Variants in USP42 observed in about 807,000 individuals in gnomAD.
USP42 encodes the protein ubiquitin carboxyl-terminal hydrolase 42.
Under a neutral mutation model 113.0 loss-of-function variants are expected in USP42, and 23 were observed. That is an observed-to-expected ratio of 0.20 (90% CI 0.15 to 0.29). The LOEUF (loss-of-function observed/expected upper bound fraction) is 0.29. USP42 is among the 10% of genes least tolerant of loss of function. USP42 has a pLI of 1.00. For synonymous variants in USP42, 933 were observed against 699.0 expected (o/e 1.33, Z -5.28); for missense variants, 2,174 against 1,779.8 (o/e 1.22, Z -3.99).
At chr7:6,132,354 GT>G (rs1437734448) in intron 3 of USP42, among the ~76,000 whole-genome samples, 1 of 151,920 alleles carries the variant, frequency 6.6e-6, no homozygotes, top group Non-Finnish European at 1.5e-5. Flanking sequence ...TTTTGTTTTT[GT>G]TTTGTTTCTT....
At chr7:6,121,900 A>G (rs1003128477) in intron 3 of USP42, among the ~76,000 whole-genome samples, 2 of 152,068 alleles carry the variant, frequency 1.3e-5, no homozygotes, top group Non-Finnish European at 1.5e-5. Flanking sequence ...GCTTCAAATG[A>G]TCCTCCCCGC....
intron 3 of USP42, among the ~76,000 whole-genome samples, chr7:6,127,654 C>T (rs1780611879): frequency 2.6e-5 from 4 of 152,208 alleles, no homozygotes; most frequent in Admixed American, 2.6e-4. Flanking sequence ...CCACTCTACA[C>T]AAGTCCTTGT....
chr7:6,160,056 G>A (rs371139737), intron 17 of USP42, among the ~76,000 whole-genome samples: 63 of 152,346 alleles, frequency 4.1e-4, no homozygotes, highest in African/African-American at 1.3e-3. Context: ...TTCACACAGC[G>A]GTCCTGGGAG....
intron 2 of USP42, 75 bp downstream of exon 2, chr7:6,111,449 G>T: frequency 6.5e-7 from 1 of 1,544,950 alleles, no homozygotes; most frequent in Admixed American, 1.9e-5. Context: ...TGGTTTCAGA[G>T]AGGGGCTTAT....
Position 6,159,356 on chromosome 7 carries a change from C to T in USP42, c.3944-94C>T. 1 of 1,567,236 alleles carries T rather than the reference C, an allele frequency of 6.4e-7. No homozygotes were observed. Among genetic ancestry groups the T allele is most frequent in the South Asian group, 1.1e-5 (1 of 87,884 alleles). On this transcript the variant is annotated intron_variant, in intron 16 of 17. Coordinates refer to ENST00000306177, the MANE Select transcript of USP42 (RefSeq NM_032172.3). The surrounding 1 kb of genome is among the most constrained non-coding windows in gnomAD (Gnocchi z 4.1). Reference sequence around the variant, plus strand: ...AGGCGCTCACAGGGAACCGCAGTGACTCTGACCATAGCCACTTAACGCACA... The same window carrying T: ...AGGCGCTCACAGGGAACCGCAGTGATTCTGACCATAGCCACTTAACGCACA...
intron 3 of USP42, among the ~76,000 whole-genome samples, chr7:6,131,580 G>A (rs1780853909): frequency 6.6e-6 from 1 of 152,182 alleles, no homozygotes; most frequent in Non-Finnish European, 1.5e-5. Context: ...ACACGAGGCT[G>A]CCCCTTCCTC....
intron 4 of USP42, among the ~76,000 whole-genome samples, chr7:6,137,925 C>T (rs1284935050): frequency 6.6e-6 from 1 of 152,180 alleles, no homozygotes; most frequent in Non-Finnish European, 1.5e-5. Flanking sequence ...ATGATCCACC[C>T]GCCTCTGCCT....
At chr7:6,155,850 C>G (rs1462890879) in intron 15 of USP42, among the ~76,000 whole-genome samples, 1 of 152,148 alleles carries the variant, frequency 6.6e-6, no homozygotes, top group African/African-American at 2.4e-5. Context: ...CTCCTGGGCT[C>G]AAATGATATT....
intron 3 of USP42, among the ~76,000 whole-genome samples, chr7:6,115,864 C>A (rs1292914700): frequency 6.6e-6 from 1 of 151,964 alleles, no homozygotes; most frequent in East Asian, 1.9e-4. Context: ...TTTGAGAGAC[C>A]GAGGAGAAAG....
chr7:6,100,542 C>A (rs1459917046), upstream of USP42, among the ~76,000 whole-genome samples: 8 of 150,678 alleles, frequency 5.3e-5, no homozygotes, highest in African/African-American at 2.0e-4. Flanking sequence ...GTTGGCCAGG[C>A]TTGTCTCGAA....
the USP42 span, among the ~76,000 whole-genome samples, chr7:6,087,132 A>G: frequency 6.7e-6 from 1 of 149,076 alleles, no homozygotes; most frequent in African/African-American, 2.6e-5. Flanking sequence ...CCCATGTTCA[A>G]GCGATTCTCC....
chr7:6,159,563 T>C lies in USP42; in HGVS notation c.*36+70T>C. 1 of 1,473,410 alleles carries C rather than the reference T, an allele frequency of 6.8e-7. No homozygotes were observed. Among genetic ancestry groups the C allele is most frequent in the Non-Finnish European group, 9.4e-7 (1 of 1,059,434 alleles). The allele number at this position is 1,473,410 out of a possible 1,614,324, so 91.3% of individuals were successfully genotyped here. A position where few individuals can be genotyped will look rare whatever the true frequency, so the allele number is the denominator to read the frequency against. The stretch of plus-strand genomic sequence containing the variant: ...TGAGGGGACGCAGGCAGAGGAGTTT[T>C]AATTCTGCGGCTCTGCCTGGGGGCT... On this transcript the variant is annotated intron_variant, in intron 17 of 17. Transcript: ENST00000306177. This position sits in a 1 kb window ranked among gnomAD's most constrained non-coding sequence, Gnocchi z 4.1.
chr7:6,089,595 C>T, the USP42 span, among the ~76,000 whole-genome samples: 4 of 147,390 alleles, frequency 2.7e-5, no homozygotes, highest in South Asian at 8.5e-4. Context: ...TGCAAGGGTG[C>T]GATCTCGGCT....
intron 1 of USP42, among the ~76,000 whole-genome samples, chr7:6,105,297 G>C (rs900770529): frequency 4.8e-5 from 7 of 147,052 alleles, no homozygotes; most frequent in Non-Finnish European, 1.1e-4. Flanking sequence ...GGGTAGCCGG[G>C]CTGCGCGGCG....
At chr7:6,107,195 AT>A (rs1325221407) in intron 1 of USP42, among the ~76,000 whole-genome samples, 2 of 151,900 alleles carry the variant, frequency 1.3e-5, no homozygotes, top group Non-Finnish European at 2.9e-5. Flanking sequence ...CTTTCGTTAA[AT>A]TTTTTTTCAC....
intron 14 of USP42, among the ~76,000 whole-genome samples, chr7:6,153,293 GAAACA>G (rs1011657320): frequency 3.0e-4 from 39 of 129,726 alleles, no homozygotes; most frequent in African/African-American, 1.1e-3. Flanking sequence ...AAAACAAAAT[GAAACA>G]AAACAAAAAA....
chr7:6,110,978 T>C (rs1411386137), intron 1 of USP42, 147 bp from the exon 2 acceptor site: 2 of 736,182 alleles, frequency 2.7e-6, no homozygotes, highest in African/African-American at 1.8e-5. Flanking sequence ...ACAGAAATGT[T>C]AGAAAGTACT....
At chr7:6,096,489 C>T in the USP42 span, among the ~76,000 whole-genome samples, 1 of 151,174 alleles carries the variant, frequency 6.6e-6, no homozygotes, top group Admixed American at 6.6e-5. Flanking sequence ...TAACTTCTCA[C>T]GGGATGGATA....
At chr7:6,084,344 C>G in the USP42 span, 1 of 151,198 alleles carries the variant, frequency 6.6e-6, no homozygotes, top group African/African-American at 2.5e-5. Flanking sequence ...GGGTTTTGAT[C>G]TATTGTAGGT....
Sources: allele counts gnomAD v4.1 joint callset (sites outside exome capture counted in the v4.1 genomes callset), GRCh38; gene constraint gnomAD v4.1.1; non-coding constraint Gnocchi (gnomAD v3.1); transcripts MANE v1.5; gene names NCBI Gene and HGNC (gene_info 2026-07-23, HGNC 2026-07-21).